PAQR5: variants seen among roughly 807,000 people sequenced by gnomAD.
The protein encoded by PAQR5 is progestin and adipoQ receptor family member 5.
In PAQR5, 20 loss-of-function variants were observed where a neutral mutation model predicts 34.5. The observed-to-expected ratio is 0.58, with a 90% confidence interval of 0.41 to 0.84. The LOEUF (loss-of-function observed/expected upper bound fraction) is 0.84. Ranked by LOEUF, PAQR5 falls within the 40% of genes least tolerant of loss-of-function variation. The probability of loss-of-function intolerance (pLI) is 0.00; values close to 1 mark genes in which losing one functional copy is unlikely to be tolerated. For missense variants in PAQR5, 378 were observed against 412.7 expected (o/e 0.92, Z 0.73); for synonymous variants, 131 against 155.6 (o/e 0.84, Z 1.18).
intron 3 of PAQR5, among the ~76,000 whole-genome samples, chr15:69,377,405 G>T (rs527596608): frequency 2.6e-5 from 4 of 152,352 alleles, no homozygotes; most frequent in Admixed American, 2.0e-4. Context: ...GATTCCTGCT[G>T]CCCGTTACAG....
In PAQR5 at chr15:69,367,895, G is replaced by A. The variant is rs538897607; in HGVS notation, c.51+7764G>A. Among the ~76,000 whole-genome samples, 353 of 152,274 alleles carry A rather than the reference G, an allele frequency of 2.3e-3. 1 individual carries two copies. The highest frequency in any genetic ancestry group is 8.1e-3 in the African/African-American group (338 of 41,556). On this transcript the variant is annotated intron_variant, in intron 3 of 8. Transcript: ENST00000395407. The stretch of plus-strand genomic sequence containing the variant: ...TGTCCCAAATGGGAAAAGGAGGCTA[G>A]GACCTTGATCTGTCATCAGTGGATG...
At chr15:69,322,753 A>G (rs1283050832) in intron 1 of PAQR5, among the ~76,000 whole-genome samples, 1,002 of 41,158 alleles carry the variant, frequency 0.024, 240 homozygotes, top group African/African-American at 0.055. Context: ...GAAGAAGAAG[A>G]AGAAGAAGAA....
intron 3 of PAQR5, among the ~76,000 whole-genome samples, chr15:69,365,512 A>C (rs2055379975): frequency 6.6e-6 from 1 of 152,230 alleles, no homozygotes; most frequent in Non-Finnish European, 1.5e-5. Context: ...TAATTTGCTA[A>C]TGTTAAACCA....
At position 69,379,617 on chromosome 15, in the gene PAQR5, G is replaced by A. The variant is rs779006381; in HGVS notation, c.52-266G>A. The A allele has an allele frequency of 5.2e-5, 51 of 981,122 alleles. No homozygotes were observed. The African/African-American group carries it at 8.2e-4, about 16-fold the overall frequency. 60.8% of individuals were successfully genotyped at this position (981,122 alleles called of 1,614,324 possible). ...CAAGATTCATGCCAAGAGTAAGTAC[G>A]CCGGGGAATGCAAAGACAGGCTGGA... On this transcript the variant is annotated intron_variant, in intron 3 of 8. Coordinates refer to ENST00000395407, the MANE Select transcript of PAQR5 (RefSeq NM_017705.4).
intron 2 of PAQR5, among the ~76,000 whole-genome samples, chr15:69,338,265 A>G (rs2054557570): frequency 6.6e-6 from 1 of 152,168 alleles, no homozygotes; most frequent in African/African-American, 2.4e-5. Flanking sequence ...AGAAAACTAT[A>G]GTATACTGTT....
Position 69,389,521 on chromosome 15 carries a change from G to A in PAQR5, c.386-133G>A, listed in dbSNP as rs73442859. 1,111 of 1,111,678 alleles carry A rather than the reference G, an allele frequency of 1.0e-3. 12 individuals carry two copies. The African/African-American group carries it at 0.015, about 15-fold the overall frequency. The allele number at this position is 1,111,678 out of a possible 1,614,324, so 68.9% of individuals were successfully genotyped here. On this transcript the variant is annotated intron_variant, in intron 5 of 8. Transcript: ENST00000395407. ...GCAGGACATCCTAGAAGGGGGAATG[G>A]CACCAGCGAGGGCGCAGAGCCAGGA... is the stretch of plus-strand genomic sequence containing the variant.
chr15:69,340,564 G>A (rs1356125052), intron 2 of PAQR5, among the ~76,000 whole-genome samples: 1 of 152,138 alleles, frequency 6.6e-6, no homozygotes, highest in African/African-American at 2.4e-5. Context: ...GTTCAGGCAC[G>A]TGTCATTCAG....
At chr15:69,325,873 C>T (rs950554876) in intron 1 of PAQR5, among the ~76,000 whole-genome samples, 3 of 152,180 alleles carry the variant, frequency 2.0e-5, no homozygotes, top group African/African-American at 7.2e-5. Flanking sequence ...CTTATCATCA[C>T]CTCTACCACA....
intron 1 of PAQR5, among the ~76,000 whole-genome samples, chr15:69,300,938 TCTTTCTTTCC>T (rs1384865084): frequency 4.3e-5 from 1 of 23,528 alleles, no homozygotes; most frequent in African/African-American, 9.4e-5. Flanking sequence ...TCTCTCTCTC[TCTTTCTTTCC>T]TTCTTTCTTT....
intron 3 of PAQR5, among the ~76,000 whole-genome samples, chr15:69,376,829 C>T (rs948852699): frequency 2.2e-4 from 34 of 152,172 alleles, no homozygotes; most frequent in African/African-American, 7.5e-4. Flanking sequence ...TTCTGTTCCC[C>T]GCTGGCTTTT....
intron 8 of PAQR5, among the ~76,000 whole-genome samples, chr15:69,403,045 A>G (rs1464253587): frequency 6.6e-6 from 1 of 152,248 alleles, no homozygotes; most frequent in East Asian, 1.9e-4. Flanking sequence ...TGGCCAACAG[A>G]AAATTCAGCC....
chr15:69,350,816 G>A (rs984709366), intron 2 of PAQR5, among the ~76,000 whole-genome samples: 5 of 152,074 alleles, frequency 3.3e-5, no homozygotes, highest in Non-Finnish European at 7.4e-5. Context: ...CAGGGAGGGG[G>A]ACACTACTGA....
intron 7 of PAQR5, among the ~76,000 whole-genome samples, chr15:69,399,115 C>G (rs545313775): frequency 2.0e-5 from 3 of 152,300 alleles, no homozygotes; most frequent in African/African-American, 4.8e-5. Flanking sequence ...AGCTCTGAAA[C>G]AGTATAGTGG....
Position 69,404,000 on chromosome 15 carries a change from T to C in PAQR5, c.*178T>C, listed in dbSNP as rs760232354. On this transcript the variant is annotated 3_prime_UTR_variant, in exon 9 of 9. Transcript: ENST00000395407. ...TGGGGAAATTTCTCTAAATGTACAC[T>C]GATTCTGTGTGTGTGATTTTAAAAG... 1.7e-4 allele frequency: 108 copies of C among 624,494 alleles called. No individual in the cohort carries two copies. The highest frequency in any genetic ancestry group is 2.6e-4 in the Non-Finnish European group (97 of 369,208). The allele number at this position is 624,494 out of a possible 1,614,324, so 38.7% of individuals were successfully genotyped here.
At chr15:69,364,773 C>G (rs2055348741) in intron 3 of PAQR5, among the ~76,000 whole-genome samples, 1 of 151,236 alleles carries the variant, frequency 6.6e-6, no homozygotes, top group African/African-American at 2.4e-5. Flanking sequence ...GAGTCTTGCT[C>G]TGTTACCCAG....
chr15:69,349,518 A>T (rs2054855920), intron 2 of PAQR5, among the ~76,000 whole-genome samples: 1 of 152,174 alleles, frequency 6.6e-6, no homozygotes, highest in African/African-American at 2.4e-5. Flanking sequence ...TTCTGCATGT[A>T]ATGTTCCAGT....
intron 1 of PAQR5, among the ~76,000 whole-genome samples, chr15:69,326,219 T>G (rs1450218493): frequency 6.6e-6 from 1 of 152,080 alleles, no homozygotes; most frequent in Non-Finnish European, 1.5e-5. Flanking sequence ...ACACCTGACT[T>G]TTATCACCAG....
chr15:69,327,633 T>C (rs2054285633), intron 1 of PAQR5, among the ~76,000 whole-genome samples: 3 of 152,172 alleles, frequency 2.0e-5, no homozygotes, highest in African/African-American at 7.2e-5. Context: ...AGGAAGATGC[T>C]TTTAGGTCCT....
Position 69,389,772 on chromosome 15 carries a change from C to T in PAQR5, c.504C>T (p.Cys168=), listed in dbSNP as rs2056206289. The change falls in exon 6 of 9, where the codon TGC becomes TGT. Residue 168 remains cysteine (C), a synonymous_variant. Transcript: ENST00000395407. ...LNTILSTGLS[C]YSRFLEIQKP... is the part of the protein sequence containing the mutation. Reference sequence around the variant, plus strand: ...CCATCCTCAGCACAGGCCTCTCCTGCTACTCCAGGTACTGGTCGCTCTGAC... The same window carrying T: ...CCATCCTCAGCACAGGCCTCTCCTGTTACTCCAGGTACTGGTCGCTCTGAC... 1 of 1,613,910 alleles carries T rather than the reference C, an allele frequency of 6.2e-7. No individual in the cohort carries two copies. The highest frequency in any genetic ancestry group is 1.7e-5 in the Admixed American group (1 of 59,994).
Sources: allele counts gnomAD v4.1 joint callset (sites outside exome capture counted in the v4.1 genomes callset), GRCh38; gene constraint gnomAD v4.1.1; transcripts MANE v1.5; gene names NCBI Gene and HGNC (gene_info 2026-07-23, HGNC 2026-07-21).